The following DOCK1 variants were observed in gnomAD, a reference collection of about 807,000 sequenced individuals.
DOCK1 encodes the protein dedicator of cytokinesis 1.
Under a neutral mutation model 262.7 loss-of-function variants are expected in DOCK1, and 138 were observed. That is an observed-to-expected ratio of 0.53 (90% CI 0.46 to 0.61). The LOEUF (loss-of-function observed/expected upper bound fraction) is 0.61, where lower values mean the gene tolerates loss of function less well. Among genes scored for constraint, DOCK1 ranks in the 20% least tolerant of loss-of-function variants. The probability of loss-of-function intolerance (pLI) is 0.00; values close to 1 mark genes in which losing one functional copy is unlikely to be tolerated. For synonymous variants in DOCK1, 866 were observed against 867.4 expected (o/e 1.00, Z 0.03); for missense variants, 1,908 against 2,370.7 (o/e 0.80, Z 4.05).
chr10:127,147,021 G>A (rs1412573665), intron 27 of DOCK1, among the ~76,000 whole-genome samples: 1 of 152,190 alleles, frequency 6.6e-6, no homozygotes, highest in Non-Finnish European at 1.5e-5. Flanking sequence ...CCTCTGTTTT[G>A]TGGTCTTATT....
chr10:126,932,896 C>T (rs1045118100), intron 1 of DOCK1, among the ~76,000 whole-genome samples: 33,733 of 151,978 alleles, frequency 0.22, 4,082 homozygotes, highest in African/African-American at 0.29. Context: ...CCAGTGTCAC[C>T]GTCAGCTCCT....
intron 23 of DOCK1, among the ~76,000 whole-genome samples, chr10:127,070,039 G>C (rs930476575): frequency 4.6e-5 from 7 of 152,046 alleles, no homozygotes; most frequent in African/African-American, 1.7e-4. Flanking sequence ...GGTATTTCCT[G>C]ACTTGCAGAT....
intron 38 of DOCK1, among the ~76,000 whole-genome samples, chr10:127,386,987 C>T (rs944948018): frequency 6.6e-6 from 1 of 152,200 alleles, no homozygotes; most frequent in African/African-American, 2.4e-5. Flanking sequence ...GCCATCCCTT[C>T]CCGGCAGTGG....
chr10:126,977,863 C>A, intron 2 of DOCK1, 85 bp from the exon 3 acceptor site: 1 of 1,351,762 alleles, frequency 7.4e-7, no homozygotes, highest in Non-Finnish European at 1.1e-6. Context: ...TTCTGCCAAA[C>A]AGTGAGTTCT....
chr10:127,415,111 A>G (rs781418703), intron 43 of DOCK1, 41 bp from the exon 44 acceptor site: 6 of 1,590,160 alleles, frequency 3.8e-6, no homozygotes, highest in Non-Finnish European at 5.2e-6. Context: ...ACCTGCTGAC[A>G]TCCTTCTAAC....
At chr10:126,931,418 G>A (rs1355987631) in intron 1 of DOCK1, among the ~76,000 whole-genome samples, 1 of 152,174 alleles carries the variant, frequency 6.6e-6, no homozygotes, top group Non-Finnish European at 1.5e-5. Flanking sequence ...TCTTGGAGCA[G>A]TGGGTGGTAC....
chr10:127,046,907 C>G (rs536231164), intron 21 of DOCK1, among the ~76,000 whole-genome samples: 1 of 152,180 alleles, frequency 6.6e-6, no homozygotes, highest in Non-Finnish European at 1.5e-5. Context: ...TGGCTCACAA[C>G]TGAACCAGAC....
At chr10:127,065,310 CGTGTT>C (rs1017832954) in intron 23 of DOCK1, among the ~76,000 whole-genome samples, 1 of 152,190 alleles carries the variant, frequency 6.6e-6, no homozygotes, top group African/African-American at 2.4e-5. Context: ...TGTGCCCGGC[CGTGTT>C]TGGCTTCTTT....
At chr10:127,291,672 C>T (rs1177147941) in intron 29 of DOCK1, among the ~76,000 whole-genome samples, 1 of 152,218 alleles carries the variant, frequency 6.6e-6, no homozygotes, top group African/African-American at 2.4e-5. Flanking sequence ...CAGGCGTTTG[C>T]CTCCTTCCTT....
rs769077651 is a variant in DOCK1, at chr10:127,032,238, G to T, written c.1830G>T (p.Met610Ile). 1.2e-5 allele frequency: 19 copies of T among 1,600,952 alleles called. No individual in the cohort carries two copies. The highest frequency in any genetic ancestry group is 9.4e-6 in the Non-Finnish European group (11 of 1,173,802). Residue 610 changes from methionine (M) to isoleucine (I), a missense_variant, in exon 18 of 52, where the codon ATG becomes ATT. Physicochemically the swap from Met to Ile is conservative, Grantham distance 10. This residue lies in a region of DOCK1 where 294 missense variants were observed against 439.9 expected (regional missense o/e 0.67). Transcript: ENST00000623213. Reference protein sequence around the residue: ...EKGHSATGKSMQSLGSCTISK... With the variant: ...EKGHSATGKSIQSLGSCTISK... ...GCCACTCGGCCACCGGCAAGAGCAT[G>T]CAGAGCCTTGGGAGCTGCACCATTA...
intron 4 of DOCK1, among the ~76,000 whole-genome samples, chr10:126,986,085 C>G (rs1030937463): frequency 6.6e-6 from 1 of 152,012 alleles, no homozygotes; most frequent in Non-Finnish European, 1.5e-5. Context: ...AACTCCTGAT[C>G]CACCCACCTC....
At chr10:127,308,144 A>G (rs1275119997) in intron 29 of DOCK1, among the ~76,000 whole-genome samples, 1 of 152,156 alleles carries the variant, frequency 6.6e-6, no homozygotes, top group African/African-American at 2.4e-5. Flanking sequence ...AAATTCGGAA[A>G]CCACATGCCT....
chr10:127,231,652 A>G (rs1194840679), intron 27 of DOCK1, among the ~76,000 whole-genome samples: 1 of 152,164 alleles, frequency 6.6e-6, no homozygotes, highest in African/African-American at 2.4e-5. Flanking sequence ...ACTAGAAATG[A>G]CATCTATAAC....
chr10:127,335,336 G>T lies in DOCK1; in HGVS notation c.3045-3670G>T, dbSNP rs529234672. Reference sequence around the variant, plus strand: ...TACCCCACACGCCCTCGAATTGCCTGCTGGGCAAAGGACTATGATCCTGCA... The same window carrying T: ...TACCCCACACGCCCTCGAATTGCCTTCTGGGCAAAGGACTATGATCCTGCA... On this transcript the variant is annotated intron_variant, in intron 29 of 51. Transcript: ENST00000623213. Among the ~76,000 whole-genome samples, 83 of 152,294 alleles carry T rather than the reference G, an allele frequency of 5.4e-4. 1 individual carries two copies. Among genetic ancestry groups the T allele is most frequent in the African/African-American group, 1.5e-3 (61 of 41,566 alleles).
chr10:126,974,169 T>C (rs1025714215), intron 2 of DOCK1, among the ~76,000 whole-genome samples: 8 of 152,116 alleles, frequency 5.3e-5, no homozygotes, highest in African/African-American at 9.7e-5. Context: ...CCAGTGTTGA[T>C]TGAGTGACTC....
rs143739742 is a variant in DOCK1 at position 127,247,304 on chromosome 10, G to C, written c.2848-704G>C. Among the ~76,000 whole-genome samples the C allele has an allele frequency of 6.2e-4, 94 of 151,960 alleles. 1 individual carries two copies. Among genetic ancestry groups the C allele is most frequent in the Middle Eastern group, 6.8e-3 (2 of 294 alleles). On this transcript the variant is annotated intron_variant, in intron 27 of 51. Coordinates refer to ENST00000623213, the MANE Select transcript of DOCK1 (RefSeq NM_001290223.2). ...CTCCGTCTGGTCTGAGAAACTCCCA[G>C]CTCTCCCACTTGACATTCTGATGAG...
chr10:126,946,940 C>T (rs1388801762), intron 1 of DOCK1, among the ~76,000 whole-genome samples: 2 of 152,194 alleles, frequency 1.3e-5, no homozygotes, highest in African/African-American at 4.8e-5. Flanking sequence ...CTTCTTGGAT[C>T]AGACGCTCAT....
chr10:127,111,737 A>G (rs750063284), intron 25 of DOCK1, among the ~76,000 whole-genome samples: 3 of 152,146 alleles, frequency 2.0e-5, no homozygotes, highest in Admixed American at 6.5e-5. Context: ...TAACCATTCA[A>G]TGCCAAGACA....
chr10:127,140,638 A>AAGTCTGTGGGTTGAGTTTGACACACCG (rs2051143919), intron 27 of DOCK1, among the ~76,000 whole-genome samples: 1 of 147,056 alleles, frequency 6.8e-6, no homozygotes. Context: ...TTGACACACC[A>AAGTCTGTGGGTTGAGTTTGACACACCG]AGTCTCTGGG....
Sources: allele counts gnomAD v4.1 joint callset (sites outside exome capture counted in the v4.1 genomes callset), GRCh38; gene constraint gnomAD v4.1.1; regional missense constraint gnomAD v4.1.1; transcripts MANE v1.5; gene names NCBI Gene and HGNC (gene_info 2026-07-23, HGNC 2026-07-21).